Variants in SLC24A2 observed in about 807,000 individuals in gnomAD.
The protein encoded by SLC24A2 is sodium/potassium/calcium exchanger 2.
Under a neutral mutation model 62.0 loss-of-function variants are expected in SLC24A2, and 36 were observed. The ratio of observed to expected loss-of-function variants is 0.58; its 90% CI spans 0.44 to 0.77. The LOEUF is 0.77. Ranked by LOEUF, SLC24A2 falls within the 30% of genes least tolerant of loss-of-function variation. SLC24A2 has a pLI of 0.00. For missense variants in SLC24A2, 846 were observed against 817.9 expected (o/e 1.03, Z -0.42); for synonymous variants, 358 against 294.0 (o/e 1.22, Z -2.23).
intron 2 of SLC24A2, among the ~76,000 whole-genome samples, chr9:19,708,635 G>C (rs57242443): frequency 0.032 from 4,899 of 152,224 alleles, 82 homozygotes; most frequent in Middle Eastern, 0.065. Context: ...TGACAAACCT[G>C]ACAAAAACAA....
chr9:19,676,423 C>G (rs1819561687), intron 2 of SLC24A2, among the ~76,000 whole-genome samples: 1 of 152,192 alleles, frequency 6.6e-6, no homozygotes, highest in Non-Finnish European at 1.5e-5. Flanking sequence ...CATGCCGTTG[C>G]CAGAATCTTA....
chr9:19,523,948 G>A (rs1833313540), intron 9 of SLC24A2, among the ~76,000 whole-genome samples: 1 of 152,030 alleles, frequency 6.6e-6, no homozygotes, highest in Admixed American at 6.6e-5. Context: ...AAAGCCTTTT[G>A]TGGAAGAAGA....
intron 2 of SLC24A2, among the ~76,000 whole-genome samples, chr9:19,623,772 A>G (rs1380472514): frequency 6.6e-6 from 1 of 152,208 alleles, no homozygotes; most frequent in Non-Finnish European, 1.5e-5. Context: ...TCTGGAGTCA[A>G]TACCAATGTG....
At chr9:19,749,805 G>A (rs1564079129) in intron 2 of SLC24A2, among the ~76,000 whole-genome samples, 1 of 152,154 alleles carries the variant, frequency 6.6e-6, no homozygotes. Flanking sequence ...GGGGTTTGGG[G>A]TCATGCAGCA....
At chr9:20,075,697 CAG>C in the SLC24A2 span, among the ~76,000 whole-genome samples, 31 of 85,646 alleles carry the variant, frequency 3.6e-4, 1 homozygote, top group East Asian at 1.9e-3. Flanking sequence ...CTTGAACAAT[CAG>C]GGGGGGATAC....
At position 19,512,086 on chromosome 9, in the gene SLC24A2, G is replaced by A. The variant is rs1832736382; in HGVS notation, c.*4067C>T. ...TTTTTGTTAAAGTGGTCTGGGGGTG[G>A]GCTCCCTTTGTAGCTCATCTCTTCT... On this transcript the variant is annotated 3_prime_UTR_variant, in exon 11 of 11. Transcript: ENST00000341998. 6.6e-6 allele frequency: 1 copy of A among 152,182 alleles called. No homozygotes were observed. The highest frequency in any genetic ancestry group is 1.5e-5 in the Non-Finnish European group (1 of 68,080). The allele number at this position is 152,182 out of a possible 1,614,324, so 9.4% of individuals were successfully genotyped here.
chr9:20,120,667 C>A, the SLC24A2 span, among the ~76,000 whole-genome samples: 1 of 151,876 alleles, frequency 6.6e-6, no homozygotes, highest in Non-Finnish European at 1.5e-5. Context: ...ACCCATGTAA[C>A]AAATCTGCAT....
chr9:19,853,128 G>T, the SLC24A2 span, among the ~76,000 whole-genome samples: 3 of 152,188 alleles, frequency 2.0e-5, no homozygotes, highest in East Asian at 1.9e-4. Context: ...ATCTGTTGTT[G>T]GTGTATAGGA....
chr9:20,238,504 G>T, the SLC24A2 span, among the ~76,000 whole-genome samples: 1 of 152,172 alleles, frequency 6.6e-6, no homozygotes, highest in East Asian at 1.9e-4. Context: ...AATTGGCCAA[G>T]GAAATTATGA....
chr9:20,115,677 C>T, the SLC24A2 span, among the ~76,000 whole-genome samples: 155 of 152,214 alleles, frequency 1.0e-3, 1 homozygote, highest in African/African-American at 3.2e-3. Flanking sequence ...AAGGATCTGC[C>T]GGTGAAGAAC....
chr9:19,605,554 A>G (rs1563993676), intron 4 of SLC24A2, among the ~76,000 whole-genome samples: 1 of 152,240 alleles, frequency 6.6e-6, no homozygotes, highest in East Asian at 1.9e-4. Context: ...AGATAGGTAT[A>G]CCAGGACCTG....
chr9:19,602,923 A>G (rs1319809716), intron 4 of SLC24A2, among the ~76,000 whole-genome samples: 2 of 152,212 alleles, frequency 1.3e-5, no homozygotes, highest in African/African-American at 2.4e-5. Flanking sequence ...TGTTGTCACT[A>G]TTATTGCCTC....
rs1832683207 is a variant in SLC24A2, at chr9:19,510,679, A to T, written c.*5474T>A. The T allele has an allele frequency of 6.6e-6, 1 of 152,146 alleles. No homozygotes were observed. The allele number at this position is 152,146 out of a possible 1,614,324, so 9.4% of individuals were successfully genotyped here. A position where few individuals can be genotyped will look rare whatever the true frequency, so the allele number is the denominator to read the frequency against. On this transcript the variant is annotated 3_prime_UTR_variant, in exon 11 of 11. Coordinates refer to ENST00000341998, the MANE Select transcript of SLC24A2 (RefSeq NM_020344.4). ...GGCAAACTCCATGGCATTCTTTCAG[A>T]CTTAGATATTTGTCTGTTTTTAAAG... is the stretch of plus-strand genomic sequence containing the variant.
the SLC24A2 span, among the ~76,000 whole-genome samples, chr9:20,000,004 T>A: frequency 6.6e-6 from 1 of 152,112 alleles, no homozygotes; most frequent in African/African-American, 2.4e-5. Flanking sequence ...GTCTTTGGGG[T>A]TACACAGACC....
the SLC24A2 span, among the ~76,000 whole-genome samples, chr9:19,966,499 C>T: frequency 6.6e-6 from 1 of 152,138 alleles, no homozygotes; most frequent in Admixed American, 6.6e-5. Context: ...TAATATTTAT[C>T]ATTAAGGAGA....
chr9:19,775,637 A>G (rs116992162), intron 2 of SLC24A2, among the ~76,000 whole-genome samples: 2,026 of 146,234 alleles, frequency 0.014, 25 homozygotes, highest in Middle Eastern at 0.033. Flanking sequence ...CTTTTAGATC[A>G]TGGCTCTGAA....
chr9:19,675,674 C>A (rs1420750583), intron 2 of SLC24A2, among the ~76,000 whole-genome samples: 1 of 152,144 alleles, frequency 6.6e-6, no homozygotes, highest in South Asian at 2.1e-4. Context: ...AGCTCCTACA[C>A]AATCCCCAAA....
chr9:19,929,481 A>G, the SLC24A2 span: 7 of 152,168 alleles, frequency 4.6e-5, no homozygotes, highest in African/African-American at 1.7e-4. Flanking sequence ...AAAATATCCT[A>G]TTGCCTGGTG....
the SLC24A2 span, among the ~76,000 whole-genome samples, chr9:20,193,037 T>G: frequency 2.4e-4 from 37 of 152,274 alleles, 1 homozygote; most frequent in Admixed American, 5.2e-4. Context: ...AATTGACATT[T>G]GATTATCATA....
Sources: gnomAD v4.1 joint callset for allele counts (sites outside exome capture counted in the v4.1 genomes callset) on GRCh38, gnomAD v4.1.1 for gene constraint, MANE v1.5 for transcripts, NCBI Gene and HGNC (gene_info 2026-07-23, HGNC 2026-07-21) for gene names.